Variants in FOXK2 observed in about 807,000 individuals in gnomAD.
FOXK2 encodes the protein forkhead box K2.
FOXK2 carries 24 observed loss-of-function variants against 53.3 expected under a neutral mutation model. That is an observed-to-expected ratio of 0.45 (90% confidence interval 0.33 to 0.63). The LOEUF is 0.63. Ranked by LOEUF, FOXK2 falls within the 30% of genes least tolerant of loss-of-function variation. The pLI is 0.03. For missense variants in FOXK2, 952 were observed against 910.5 expected, an observed-to-expected ratio of 1.05 and a Z score of -0.59; for synonymous variants, 505 against 407.1, an observed-to-expected ratio of 1.24 and a Z score of -2.89.
chr17:82,528,661 C>G (rs960233756), intron 1 of FOXK2, among the ~76,000 whole-genome samples: 4 of 152,140 alleles, frequency 2.6e-5, no homozygotes, highest in African/African-American at 9.7e-5. Flanking sequence ...GGCAGGGAGA[C>G]CAGAAAGTAC....
chr17:82,534,514 C>T (rs1360549029), intron 1 of FOXK2, among the ~76,000 whole-genome samples: 1 of 152,160 alleles, frequency 6.6e-6, no homozygotes, highest in Non-Finnish European at 1.5e-5. Context: ...GGCTCTAGGT[C>T]GTCATGCCTC....
intron 1 of FOXK2, among the ~76,000 whole-genome samples, chr17:82,532,288 G>A (rs2044479524): frequency 6.6e-6 from 1 of 151,820 alleles, no homozygotes; most frequent in African/African-American, 2.4e-5. Flanking sequence ...GGGATTACCA[G>A]CACCCGAGAC....
intron 1 of FOXK2, among the ~76,000 whole-genome samples, chr17:82,523,568 G>A (rs978918739): frequency 6.6e-6 from 1 of 151,428 alleles, no homozygotes; most frequent in African/African-American, 2.4e-5. Context: ...CGCTTCCTGG[G>A]CTCAAGCGAT....
intron 4 of FOXK2, among the ~76,000 whole-genome samples, chr17:82,581,933 T>TA: frequency 6.6e-6 from 1 of 152,286 alleles, no homozygotes; most frequent in Non-Finnish European, 1.5e-5. Context: ...CTGTGTACGT[T>TA]ACGAAATTAT....
intron 1 of FOXK2, among the ~76,000 whole-genome samples, chr17:82,540,864 A>G (rs2044568198): frequency 6.6e-6 from 1 of 152,144 alleles, no homozygotes; most frequent in Non-Finnish European, 1.5e-5. Flanking sequence ...AGCGCATCAC[A>G]CCTGGGCTTG....
intron 2 of FOXK2, 47 bp downstream of exon 2, chr17:82,563,595 CA>C: frequency 6.5e-7 from 1 of 1,544,254 alleles, no homozygotes; most frequent in Non-Finnish European, 8.8e-7. Flanking sequence ...GTCCCAGTGG[CA>C]GCCCCAAGTA....
chr17:82,550,996 T>G (rs1001981286), intron 1 of FOXK2, among the ~76,000 whole-genome samples: 2 of 152,230 alleles, frequency 1.3e-5, no homozygotes, highest in Non-Finnish European at 2.9e-5. Context: ...AAAGCCTGTT[T>G]TAAGCTTCGG....
chr17:82,587,057 T>G lies in FOXK2; in HGVS notation c.1577-6T>G. ...ATTAATGTCGTTTCTTTTCCTTTAATTTCAGTGAAAGTAGAGCCTATTCCC... is the reference window on the plus strand; with the variant it reads ...ATTAATGTCGTTTCTTTTCCTTTAAGTTCAGTGAAAGTAGAGCCTATTCCC... On this transcript the variant is annotated splice_polypyrimidine_tract_variant and splice_region_variant and intron_variant, in intron 7 of 8. Coordinates refer to ENST00000335255, the MANE Select transcript of FOXK2 (RefSeq NM_004514.4). 1 of 1,609,694 alleles carries G rather than the reference T, an allele frequency of 6.2e-7. No individual in the cohort carries two copies. The highest frequency in any genetic ancestry group is 8.5e-7 in the Non-Finnish European group (1 of 1,177,438).
In FOXK2 at chr17:82,568,089, C is replaced by G; in HGVS notation, c.650C>G (p.Ala217Gly). ...TCCTGCCCCTCCAGCCCCCGGGGAG[C>G]GGGGTCTTCAGGGTACAAGGTGGGC... ...ANSCPSSPRG[A>G]GSSGYKVGRV... The change falls in exon 3 of 9, where the codon GCG becomes GGG. Residue 217 changes from alanine (A) to glycine (G), a missense_variant. This residue lies in a region of FOXK2 where 160 missense variants were observed against 214.2 expected (regional missense o/e 0.75). Transcript: ENST00000335255. 3.1e-6 allele frequency: 5 copies of G among 1,612,102 alleles called. No homozygotes were observed. Among genetic ancestry groups the G allele is most frequent in the Non-Finnish European group, 3.4e-6 (4 of 1,179,612 alleles).
At chr17:82,522,010 G>T (rs1423064060) in intron 1 of FOXK2, among the ~76,000 whole-genome samples, 2 of 148,094 alleles carry the variant, frequency 1.4e-5, no homozygotes, top group East Asian at 3.9e-4. Context: ...GAAATCAATG[G>T]TAGGGTCCTA....
chr17:82,573,554 TCTCTCTCTCACACACACACACACA>T (rs1219343761), intron 4 of FOXK2, among the ~76,000 whole-genome samples: 2 of 108,424 alleles, frequency 1.8e-5, no homozygotes, highest in Non-Finnish European at 2.0e-5. Context: ...TCTCTCTCTC[TCTCTCTCTCACACACACACACACA>T]CACACACACA....
At position 82,602,707 on chromosome 17, in the gene FOXK2, G is replaced by A. The variant is rs903036466; in HGVS notation, c.*1208G>A. Reference sequence around the variant, plus strand: ...TGAGGCTGACTCCTCTACGGAAAATGAGGACAGGACGGGGGTGAGGGAATG... The same window carrying A: ...TGAGGCTGACTCCTCTACGGAAAATAAGGACAGGACGGGGGTGAGGGAATG... On this transcript the variant is annotated 3_prime_UTR_variant, in exon 9 of 9. Transcript: ENST00000335255. 11 of 152,260 alleles carry A rather than the reference G, an allele frequency of 7.2e-5. No individual in the cohort carries two copies. Among genetic ancestry groups the A allele is most frequent in the African/African-American group, 2.4e-4 (10 of 41,468 alleles). The allele number at this position is 152,260 out of a possible 1,614,324, so 9.4% of individuals were successfully genotyped here. A position where few individuals can be genotyped will look rare whatever the true frequency, so the allele number is the denominator to read the frequency against.
rs1567993473 is a variant in FOXK2 at position 82,603,579 on chromosome 17, CTT to C, written c.*2082_*2083del. The C allele has an allele frequency of 1.3e-5, 2 of 152,244 alleles. No individual in the cohort carries two copies. The highest frequency in any genetic ancestry group is 4.8e-5 in the African/African-American group (2 of 41,462). The allele number at this position is 152,244 out of a possible 1,614,324, so 9.4% of individuals were successfully genotyped here. A position where few individuals can be genotyped will look rare whatever the true frequency, so the allele number is the denominator to read the frequency against. On this transcript the variant is annotated 3_prime_UTR_variant, in exon 9 of 9. Coordinates refer to ENST00000335255, the MANE Select transcript of FOXK2 (RefSeq NM_004514.4). ...CTATCCAGAAGGAGTCGGGGGTAGA[CTT>C]TCCCGTGTAAGCTCAGTCCATAAAC...
chr17:82,585,568 G>C (rs2045126088), intron 6 of FOXK2, among the ~76,000 whole-genome samples: 1 of 152,106 alleles, frequency 6.6e-6, no homozygotes, highest in South Asian at 2.1e-4. Context: ...CCAAAGTGCT[G>C]GGATTACAGG....
At chr17:82,554,574 T>C (rs2044705395) in intron 1 of FOXK2, among the ~76,000 whole-genome samples, 1 of 152,130 alleles carries the variant, frequency 6.6e-6, no homozygotes, top group Admixed American at 6.6e-5. Context: ...TTTGAAACTT[T>C]ACTTAGGGAT....
chr17:82,528,609 T>G (rs1245093977), intron 1 of FOXK2, among the ~76,000 whole-genome samples: 1 of 152,174 alleles, frequency 6.6e-6, no homozygotes, highest in East Asian at 1.9e-4. Flanking sequence ...AAGCGGGCTT[T>G]GAGCACGGAA....
intron 1 of FOXK2, among the ~76,000 whole-genome samples, chr17:82,521,563 A>G (rs1044721666): frequency 1.3e-5 from 2 of 151,816 alleles, no homozygotes; most frequent in Non-Finnish European, 2.9e-5. Context: ...GTGTGTGTGC[A>G]TGCGCTGTTC....
At chr17:82,572,561 G>GT (rs2044930699) in intron 4 of FOXK2, among the ~76,000 whole-genome samples, 2 of 151,176 alleles carry the variant, frequency 1.3e-5, no homozygotes, top group Admixed American at 6.6e-5. Context: ...GATTATGTAG[G>GT]TTTTTTCTCT....
At chr17:82,528,185 T>C (rs1414216352) in intron 1 of FOXK2, among the ~76,000 whole-genome samples, 1 of 152,230 alleles carries the variant, frequency 6.6e-6, no homozygotes, top group Non-Finnish European at 1.5e-5. Context: ...AGGTCCCATT[T>C]AGACCTGCGG....
Sources: allele counts gnomAD v4.1 joint callset (sites outside exome capture counted in the v4.1 genomes callset), GRCh38; gene constraint gnomAD v4.1.1; regional missense constraint gnomAD v4.1.1; transcripts MANE v1.5; gene names NCBI Gene and HGNC (gene_info 2026-07-23, HGNC 2026-07-21).